ARHGAP24: variants seen among roughly 807,000 people sequenced by gnomAD.
ARHGAP24 encodes Rho GTPase activating protein 24.
In ARHGAP24, 50 loss-of-function variants were observed where a neutral mutation model predicts 76.4. That is an observed-to-expected ratio of 0.65 (90% CI 0.52 to 0.83). ARHGAP24 has a LOEUF of 0.83. Ranked by LOEUF, ARHGAP24 falls within the 40% of genes least tolerant of loss-of-function variation. The pLI, the probability that ARHGAP24 is intolerant of heterozygous loss-of-function variation, is 0.00. For missense variants in ARHGAP24, 930 were observed against 914.2 expected (o/e 1.02, Z -0.22); for synonymous variants, 345 against 323.3 (o/e 1.07, Z -0.72).
intron 3 of ARHGAP24, among the ~76,000 whole-genome samples, chr4:85,820,048 T>C (rs938517975): frequency 6.6e-6 from 1 of 152,236 alleles, no homozygotes; most frequent in Non-Finnish European, 1.5e-5. Context: ...AACAGACTAT[T>C]ACAACAATTG....
intron 3 of ARHGAP24, among the ~76,000 whole-genome samples, chr4:85,912,464 T>G (rs1186513937): frequency 6.6e-6 from 1 of 152,198 alleles, no homozygotes; most frequent in Non-Finnish European, 1.5e-5. Flanking sequence ...TAAAAAAAAT[T>G]TAAACCCAAA....
At chr4:85,910,640 G>T (rs958941611) in intron 3 of ARHGAP24, among the ~76,000 whole-genome samples, 2 of 152,056 alleles carry the variant, frequency 1.3e-5, no homozygotes, top group South Asian at 4.2e-4. Context: ...CTCTGCAGCT[G>T]TTCGCCCTAC....
intron 4 of ARHGAP24, among the ~76,000 whole-genome samples, chr4:85,940,338 A>G (rs1178418114): frequency 6.6e-6 from 1 of 151,934 alleles, no homozygotes; most frequent in Admixed American, 6.6e-5. Flanking sequence ...ATTGTTGCCT[A>G]ATGGACCAAA....
chr4:85,679,211 G>C (rs1053660175), intron 2 of ARHGAP24, among the ~76,000 whole-genome samples: 2 of 152,168 alleles, frequency 1.3e-5, no homozygotes, highest in African/African-American at 2.4e-5. Context: ...AGAGAGAATA[G>C]ATGGTGAATA....
At chr4:85,587,424 A>G (rs1727907203) in intron 2 of ARHGAP24, among the ~76,000 whole-genome samples, 1 of 152,188 alleles carries the variant, frequency 6.6e-6, no homozygotes, top group Non-Finnish European at 1.5e-5. Flanking sequence ...CATCCTTTTA[A>G]AAGAAAAAAG....
chr4:85,940,504 A>G (rs1736895022), intron 4 of ARHGAP24, among the ~76,000 whole-genome samples: 1 of 152,038 alleles, frequency 6.6e-6, no homozygotes, highest in African/African-American at 2.4e-5. Context: ...ATGCCACATG[A>G]CCACCCCACT....
At chr4:85,846,678 G>T (rs575270112) in intron 3 of ARHGAP24, among the ~76,000 whole-genome samples, 2 of 152,284 alleles carry the variant, frequency 1.3e-5, no homozygotes, top group East Asian at 3.9e-4. Context: ...AAGATAACTT[G>T]TCAGGATTCC....
intron 3 of ARHGAP24, among the ~76,000 whole-genome samples, chr4:85,894,291 C>T (rs1445426560): frequency 1.3e-5 from 2 of 151,876 alleles, no homozygotes; most frequent in African/African-American, 4.8e-5. Flanking sequence ...CTTACAGGAG[C>T]AAATAAGATT....
intron 5 of ARHGAP24, among the ~76,000 whole-genome samples, chr4:85,957,720 C>T (rs188630033): frequency 6.6e-6 from 1 of 152,124 alleles, no homozygotes; most frequent in Non-Finnish European, 1.5e-5. Context: ...GAATAACTCA[C>T]AAGAGTTCCA....
intron 2 of ARHGAP24, among the ~76,000 whole-genome samples, chr4:85,680,176 A>G (rs1723152591): frequency 6.6e-6 from 1 of 152,154 alleles, no homozygotes; most frequent in Non-Finnish European, 1.5e-5. Context: ...TGAGCAGTAC[A>G]AGGGAACTTT....
At chr4:85,894,996 AAAAGC>A (rs1317493546) in intron 3 of ARHGAP24, among the ~76,000 whole-genome samples, 5 of 34,216 alleles carry the variant, frequency 1.5e-4, no homozygotes, top group East Asian at 5.1e-4. Flanking sequence ...AAACAAAACA[AAAAGC>A]AAAAAAAAAA....
chr4:85,960,777 G>A (rs954712806), intron 5 of ARHGAP24, among the ~76,000 whole-genome samples: 2 of 151,948 alleles, frequency 1.3e-5, no homozygotes, highest in Non-Finnish European at 2.9e-5. Context: ...GTCATCTAAG[G>A]CCAAATGCCT....
intron 1 of ARHGAP24, among the ~76,000 whole-genome samples, chr4:85,542,589 G>A (rs1725745247): frequency 6.6e-6 from 1 of 152,100 alleles, no homozygotes; most frequent in Middle Eastern, 3.2e-3. Flanking sequence ...GAATAAAATG[G>A]TCTCCCTTAG....
At chr4:85,555,104 A>T (rs1452211219) in intron 1 of ARHGAP24, among the ~76,000 whole-genome samples, 2 of 152,066 alleles carry the variant, frequency 1.3e-5, no homozygotes, top group Non-Finnish European at 2.9e-5. Flanking sequence ...TCCTATCCAT[A>T]TTCTGATTTG....
At chr4:85,726,234 G>C (rs1174719539) in intron 3 of ARHGAP24, among the ~76,000 whole-genome samples, 3 of 151,978 alleles carry the variant, frequency 2.0e-5, no homozygotes, top group Non-Finnish European at 4.4e-5. Context: ...GCCTCTTTTG[G>C]GGGGTGGGGG....
chr4:85,534,829 C>T (rs1191282230), intron 1 of ARHGAP24, among the ~76,000 whole-genome samples: 1 of 151,122 alleles, frequency 6.6e-6, no homozygotes, highest in Admixed American at 6.6e-5. Flanking sequence ...TCAAGGCAGT[C>T]GGTGAAAGTG....
In ARHGAP24 at chr4:85,816,754, C is replaced by T. The variant is rs188425892; in HGVS notation, c.268+94782C>T. On this transcript the variant is annotated intron_variant, in intron 3 of 9. Coordinates refer to ENST00000395184, the MANE Select transcript of ARHGAP24 (RefSeq NM_001025616.3). Reference sequence around the variant, plus strand: ...GGAGTGCACATATCCATTCTAGACACTGATTTCATTTAATTGGATATATAC... The same window carrying T: ...GGAGTGCACATATCCATTCTAGACATTGATTTCATTTAATTGGATATATAC... 8.5e-5 allele frequency among the ~76,000 whole-genome samples: 13 copies of T among 152,240 alleles called. No individual in the cohort carries two copies. The East Asian group carries it at 2.5e-3, about 29-fold the overall frequency.
chr4:85,872,221 T>G (rs1323316065), intron 3 of ARHGAP24, among the ~76,000 whole-genome samples: 1 of 152,004 alleles, frequency 6.6e-6, no homozygotes, highest in Non-Finnish European at 1.5e-5. Flanking sequence ...AAGTCTTATA[T>G]CTTATATTTA....
intron 1 of ARHGAP24, among the ~76,000 whole-genome samples, chr4:85,552,462 A>G (rs12644304): frequency 0.98 from 148,650 of 152,314 alleles, 72,657 homozygotes; most frequent in East Asian, 1. Flanking sequence ...TGTAGAGTCC[A>G]TGCCATGTTG....
Sources: allele counts gnomAD v4.1 joint callset (sites outside exome capture counted in the v4.1 genomes callset), GRCh38; gene constraint gnomAD v4.1.1; transcripts MANE v1.5; gene names NCBI Gene and HGNC (gene_info 2026-07-23, HGNC 2026-07-21).